Variants in UBR2 observed in about 807,000 individuals in gnomAD.
The protein encoded by UBR2 is ubiquitin protein ligase E3 component n-recognin 2.
A neutral mutation model predicts 247.9 loss-of-function variants in UBR2; 92 were observed. The observed-to-expected ratio is 0.37, with a 90% CI of 0.31 to 0.44. UBR2 has a LOEUF of 0.44. Among genes scored for constraint, UBR2 ranks in the 20% least tolerant of loss-of-function variants. The pLI, the probability that UBR2 is intolerant of heterozygous loss-of-function variation, is 1.00. For synonymous variants in UBR2, 672 were observed against 693.5 expected, an observed-to-expected ratio of 0.97 and a Z score of 0.49; for missense variants, 1,613 against 2,112.6, an observed-to-expected ratio of 0.76 and a Z score of 4.64.
intron 6 of UBR2, 67 bp downstream of exon 6, chr6:42,605,926 G>A (rs2151929420): frequency 1.5e-6 from 2 of 1,306,798 alleles, no homozygotes; most frequent in Non-Finnish European, 2.1e-6. Context: ...ATAGGTAACT[G>A]GAGAATTGAG....
At chr6:42,578,401 TC>T (rs1430337536) in intron 2 of UBR2, among the ~76,000 whole-genome samples, 2 of 152,108 alleles carry the variant, frequency 1.3e-5, no homozygotes, top group Non-Finnish European at 2.9e-5. Context: ...AATGCCTCTA[TC>T]CAGCAACAGA....
At chr6:42,571,894 G>A (rs1791171268) in intron 1 of UBR2, among the ~76,000 whole-genome samples, 1 of 151,774 alleles carries the variant, frequency 6.6e-6, no homozygotes, top group South Asian at 2.1e-4. Context: ...GCTTGTTGAG[G>A]ACTCTTTTTC....
At chr6:42,644,587 T>A in intron 20 of UBR2, 51 bp downstream of exon 20, 1 of 1,482,952 alleles carries the variant, frequency 6.7e-7, no homozygotes, top group South Asian at 1.2e-5. Flanking sequence ...ACGTTTATAG[T>A]AGCAAATAGT....
intron 11 of UBR2, among the ~76,000 whole-genome samples, chr6:42,617,970 T>C (rs767540595): frequency 2.0e-5 from 3 of 152,198 alleles, no homozygotes; most frequent in Non-Finnish European, 4.4e-5. Context: ...GCTTCACGAG[T>C]TGCCCATAAA....
intron 2 of UBR2, among the ~76,000 whole-genome samples, chr6:42,585,768 C>G (rs1562285093): frequency 6.6e-6 from 1 of 152,034 alleles, no homozygotes; most frequent in Admixed American, 6.5e-5. Flanking sequence ...ATAATGATGT[C>G]TCTTTCATTC....
At chr6:42,684,686 G>A in intron 43 of UBR2, 108 bp from the exon 44 acceptor site, 1 of 633,040 alleles carries the variant, frequency 1.6e-6, no homozygotes, top group Non-Finnish European at 2.6e-6. Context: ...GTAGTGAAAG[G>A]CCATACCATG....
Position 42,603,644 on chromosome 6 carries a change from T to C in UBR2, c.588T>C (p.Ala196=). The change falls in exon 5 of 47, where the codon GCT becomes GCC. Residue 196 remains alanine, a synonymous_variant. Transcript: ENST00000372901. ...TAGCAAGAACTTATAACATTTTTGCTATTACGTTTCGGTATGCAGTAGAAA... is the reference window on the plus strand; with the variant it reads ...TAGCAAGAACTTATAACATTTTTGCCATTACGTTTCGGTATGCAGTAGAAA... The part of the protein sequence containing the change: ...DVIARTYNIF[A]ITFRYAVEIL... 7 of 1,599,860 alleles carry C rather than the reference T, an allele frequency of 4.4e-6. No homozygotes were observed. The highest frequency in any genetic ancestry group is 5.9e-6 in the Non-Finnish European group (7 of 1,176,874).
At chr6:42,615,241 GT>G in intron 9 of UBR2, 63 bp downstream of exon 9, 1 of 1,282,888 alleles carries the variant, frequency 7.8e-7, no homozygotes, top group Non-Finnish European at 1.1e-6. Context: ...GATGTGAAAG[GT>G]TTTTATCATT....
At position 42,652,586 on chromosome 6, in the gene UBR2, A is replaced by G; in HGVS notation, c.2710A>G (p.Ile904Val). ...TGTCATGTTGTGCATCATGGGAACAATTCTGCAATGGGCTGTGGAACATAA... is the reference window on the plus strand; with the variant it reads ...TGTCATGTTGTGCATCATGGGAACAGTTCTGCAATGGGCTGTGGAACATAA... Reference protein sequence around the residue: ...SDVMLCIMGTILQWAVEHNGY... With the variant: ...SDVMLCIMGTVLQWAVEHNGY... Residue 904 changes from isoleucine to valine, a missense_variant, in exon 25 of 47, where the codon ATT becomes GTT. Ile to Val is a conservative substitution (Grantham distance 29, BLOSUM62 3). Coordinates refer to ENST00000372901, the MANE Select transcript of UBR2 (RefSeq NM_001363705.2). 2 of 1,613,950 alleles carry G rather than the reference A, an allele frequency of 1.2e-6. No individual in the cohort carries two copies. Among genetic ancestry groups the G allele is most frequent in the Middle Eastern group, 3.3e-4 (2 of 6,058 alleles).
chr6:42,655,205 T>C (rs950752242), intron 25 of UBR2, among the ~76,000 whole-genome samples: 2 of 152,138 alleles, frequency 1.3e-5, no homozygotes, highest in African/African-American at 4.8e-5. Context: ...AGGCCGGGCA[T>C]GGTGGCTCAC....
chr6:42,585,298 T>C (rs1318763010), intron 2 of UBR2, among the ~76,000 whole-genome samples: 2 of 152,186 alleles, frequency 1.3e-5, no homozygotes, highest in Non-Finnish European at 2.9e-5. Context: ...GGCTCTATTA[T>C]CATGAATTAT....
chr6:42,681,055 C>T (rs1270044508), intron 42 of UBR2, among the ~76,000 whole-genome samples: 4 of 150,430 alleles, frequency 2.7e-5, no homozygotes, highest in South Asian at 2.1e-4. Flanking sequence ...CCCAGCTACT[C>T]GGGAGGCTGA....
chr6:42,681,056 G>A (rs1211881412), intron 42 of UBR2, among the ~76,000 whole-genome samples: 1 of 151,868 alleles, frequency 6.6e-6, no homozygotes, highest in African/African-American at 2.4e-5. Flanking sequence ...CCAGCTACTC[G>A]GGAGGCTGAG....
chr6:42,649,538 C>T (rs554769407), intron 22 of UBR2, among the ~76,000 whole-genome samples: 1 of 151,802 alleles, frequency 6.6e-6, no homozygotes, highest in Non-Finnish European at 1.5e-5. Context: ...AAAAAGTCCT[C>T]GATTTACACT....
chr6:42,687,973 TTTTA>T (rs925557921), intron 44 of UBR2, among the ~76,000 whole-genome samples: 10 of 25,652 alleles, frequency 3.9e-4, no homozygotes, highest in African/African-American at 4.1e-4. Context: ...CTATTGATGA[TTTTA>T]TTTATTTTTT....
intron 7 of UBR2, among the ~76,000 whole-genome samples, chr6:42,607,887 A>G (rs1322639749): frequency 6.6e-6 from 1 of 152,084 alleles, no homozygotes; most frequent in Non-Finnish European, 1.5e-5. Context: ...TTATGTAACA[A>G]GATACATATT....
intron 41 of UBR2, 89 bp downstream of exon 41, chr6:42,678,758 A>G: frequency 6.9e-7 from 1 of 1,451,296 alleles, no homozygotes. Flanking sequence ...ATGAAAATTG[A>G]CTAAAAGTTC....
intron 4 of UBR2, among the ~76,000 whole-genome samples, chr6:42,600,685 T>C (rs1199568745): frequency 5.3e-5 from 8 of 151,192 alleles, no homozygotes; most frequent in Non-Finnish European, 1.0e-4. Context: ...GTAACACATT[T>C]TAGAGTGTAT....
intron 26 of UBR2, 109 bp from the exon 27 acceptor site, chr6:42,657,915 A>T: frequency 5.6e-6 from 4 of 710,226 alleles, no homozygotes; most frequent in Non-Finnish European, 4.7e-6. Context: ...CCATAATCAA[A>T]TTATGGGCAA....
Sources: gnomAD v4.1 joint callset for allele counts (sites outside exome capture counted in the v4.1 genomes callset) on GRCh38, gnomAD v4.1.1 for gene constraint, MANE v1.5 for transcripts, NCBI Gene and HGNC (gene_info 2026-07-23, HGNC 2026-07-21) for gene names.